KCNAB1: variants seen among roughly 807,000 people sequenced by gnomAD.
KCNAB1 encodes the protein potassium voltage-gated channel subfamily A regulatory beta subunit 1.
Under a neutral mutation model 64.6 loss-of-function variants are expected in KCNAB1, and 35 were observed. That is an observed-to-expected ratio of 0.54 (90% confidence interval 0.41 to 0.72). KCNAB1 has a LOEUF of 0.72. Ranked by LOEUF, KCNAB1 falls within the 30% of genes least tolerant of loss-of-function variation. KCNAB1 has a pLI of 0.00. For synonymous variants in KCNAB1, 177 were observed against 183.8 expected (o/e 0.96, Z 0.30); for missense variants, 401 against 512.9 (o/e 0.78, Z 2.11).
chr3:156,305,501 T>C (rs979954113), intron 1 of KCNAB1, among the ~76,000 whole-genome samples: 1 of 152,234 alleles, frequency 6.6e-6, no homozygotes, highest in African/African-American at 2.4e-5. Flanking sequence ...ATGAGACTTG[T>C]CCTCTTCACA....
chr3:156,339,393 TAC>T (rs1723947224), intron 1 of KCNAB1, among the ~76,000 whole-genome samples: 2 of 152,178 alleles, frequency 1.3e-5, no homozygotes, highest in African/African-American at 4.8e-5. Flanking sequence ...TTTAAGTGCC[TAC>T]TCTGTGTTTA....
chr3:156,286,052 G>A (rs534205603), intron 1 of KCNAB1, among the ~76,000 whole-genome samples: 1 of 152,332 alleles, frequency 6.6e-6, no homozygotes, highest in East Asian at 1.9e-4. Context: ...TGCCTTCAGA[G>A]TTTCTCAGTG....
chr3:156,185,414 C>A (rs976856134), intron 1 of KCNAB1, among the ~76,000 whole-genome samples: 1 of 152,160 alleles, frequency 6.6e-6, no homozygotes, highest in Non-Finnish European at 1.5e-5. Flanking sequence ...CACAACTTTA[C>A]CTCTATTCTC....
rs140767822 is a variant in KCNAB1 at position 156,334,611 on chromosome 3, T to A, written c.276-87005T>A. Among the ~76,000 whole-genome samples the A allele has an allele frequency of 1.1e-4, 17 of 152,360 alleles. No homozygotes were observed. In the East Asian group the frequency reaches 3.1e-3, roughly 28 times the overall value. ...ATGAGAAAAAGTGTATGATATTTCC[T>A]GGCACAGTGCCCAGCATCTAAAAGC... is the stretch of plus-strand genomic sequence containing the variant. On this transcript the variant is annotated intron_variant, in intron 1 of 13. Transcript: ENST00000490337.
intron 1 of KCNAB1, among the ~76,000 whole-genome samples, chr3:156,399,238 G>A (rs536391085): frequency 2.0e-5 from 3 of 152,156 alleles, no homozygotes; most frequent in South Asian, 2.1e-4. Flanking sequence ...TGTTTCAGTC[G>A]TGTTAGGTGT....
At chr3:156,480,615 C>A (rs947785188) in intron 8 of KCNAB1, among the ~76,000 whole-genome samples, 1 of 151,658 alleles carries the variant, frequency 6.6e-6, no homozygotes, top group Non-Finnish European at 1.5e-5. Flanking sequence ...CAAAACTTAC[C>A]ACTTCAGCAT....
At chr3:156,449,290 CA>C (rs1711818844) in intron 2 of KCNAB1, among the ~76,000 whole-genome samples, 1 of 152,004 alleles carries the variant, frequency 6.6e-6, no homozygotes. Context: ...TTTTCTGTAC[CA>C]AAACATGTTT....
At chr3:156,345,737 C>A (rs1010630821) in intron 1 of KCNAB1, among the ~76,000 whole-genome samples, 3 of 152,104 alleles carry the variant, frequency 2.0e-5, no homozygotes, top group African/African-American at 7.2e-5. Context: ...TTCAGAAGTA[C>A]AGTGTTTGAA....
At chr3:156,415,129 C>A (rs1340825313) in intron 1 of KCNAB1, among the ~76,000 whole-genome samples, 1 of 152,142 alleles carries the variant, frequency 6.6e-6, no homozygotes, top group Non-Finnish European at 1.5e-5. Context: ...ATTAGGGCAA[C>A]TGAGAGGATC....
intron 1 of KCNAB1, among the ~76,000 whole-genome samples, chr3:156,275,016 A>C (rs1174441831): frequency 6.6e-6 from 1 of 152,186 alleles, no homozygotes; most frequent in Admixed American, 6.5e-5. Flanking sequence ...CTAACATGTC[A>C]ACATTTTCCT....
intron 1 of KCNAB1, among the ~76,000 whole-genome samples, chr3:156,214,859 T>C (rs1715220425): frequency 6.6e-6 from 1 of 152,220 alleles, no homozygotes; most frequent in Non-Finnish European, 1.5e-5. Flanking sequence ...ATGGGATTGA[T>C]GTGTTTGCAC....
chr3:156,515,227 T>C lies in KCNAB1; in HGVS notation c.865+7T>C, dbSNP rs771705097. The C allele has an allele frequency of 1.1e-5, 18 of 1,599,938 alleles. No homozygotes were observed. The highest frequency in any genetic ancestry group is 1.4e-5 in the Non-Finnish European group (17 of 1,175,772). On this transcript the variant is annotated splice_region_variant and intron_variant, in intron 10 of 13. Transcript: ENST00000490337. ...GAGCTCTACCACAAAATAGGTAATCTTCAAAATAAAAGCTACTGAGTATTT... is the reference window on the plus strand; with the variant it reads ...GAGCTCTACCACAAAATAGGTAATCCTCAAAATAAAAGCTACTGAGTATTT...
chr3:156,477,268 A>G (rs1714435302), intron 8 of KCNAB1, among the ~76,000 whole-genome samples: 1 of 152,210 alleles, frequency 6.6e-6, no homozygotes, highest in South Asian at 2.1e-4. Flanking sequence ...GAGAAAATTT[A>G]CATTTTTCCT....
chr3:156,154,678 T>C (rs151238867), intron 1 of KCNAB1, among the ~76,000 whole-genome samples: 86 of 152,314 alleles, frequency 5.6e-4, no homozygotes, highest in Middle Eastern at 6.8e-3. Flanking sequence ...TGGTCCTTGG[T>C]GGTATCATCA....
At chr3:156,432,524 A>T (rs933614033) in intron 2 of KCNAB1, among the ~76,000 whole-genome samples, 19 of 152,218 alleles carry the variant, frequency 1.2e-4, no homozygotes, top group African/African-American at 4.3e-4. Flanking sequence ...CAATTAGAGG[A>T]AAAAGAGGCT....
chr3:156,455,226 G>T (rs115828912), intron 3 of KCNAB1, among the ~76,000 whole-genome samples: 1 of 152,186 alleles, frequency 6.6e-6, no homozygotes, highest in Non-Finnish European at 1.5e-5. Flanking sequence ...TCTCTCTGGC[G>T]TCAAATAATC....
chr3:156,148,141 C>A (rs777707319), intron 1 of KCNAB1, among the ~76,000 whole-genome samples: 5 of 152,192 alleles, frequency 3.3e-5, no homozygotes, highest in Non-Finnish European at 7.3e-5. Flanking sequence ...AGTCTCTACT[C>A]ATCATTAGTT....
intron 1 of KCNAB1, among the ~76,000 whole-genome samples, chr3:156,324,449 G>A (rs1188083208): frequency 6.6e-6 from 1 of 152,072 alleles, no homozygotes; most frequent in African/African-American, 2.4e-5. Context: ...CCATGAATCG[G>A]TGCCATTTTA....
chr3:156,143,169 T>A (rs748424161), intron 1 of KCNAB1: 1 of 1,574,636 alleles, frequency 6.4e-7, no homozygotes, highest in Admixed American at 1.9e-5. Flanking sequence ...CTTCCTTGGG[T>A]TTTTGAAACA....
Sources: gnomAD v4.1 joint callset for allele counts (sites outside exome capture counted in the v4.1 genomes callset) on GRCh38, gnomAD v4.1.1 for gene constraint, MANE v1.5 for transcripts, NCBI Gene and HGNC (gene_info 2026-07-23, HGNC 2026-07-21) for gene names.